The following SPIN1 variants were observed in gnomAD, a reference collection of about 807,000 sequenced individuals.
SPIN1 encodes spindlin-1.
In SPIN1, 3 loss-of-function variants were observed where a neutral mutation model predicts 26.0. The ratio of observed to expected loss-of-function variants is 0.12; its 90% CI spans 0.05 to 0.30. The LOEUF is 0.30. Ranked by LOEUF, SPIN1 falls within the 10% of genes least tolerant of loss-of-function variation. SPIN1 has a pLI of 1.00. For missense variants in SPIN1, 126 were observed against 333.4 expected (o/e 0.38, Z 4.84); for synonymous variants, 101 against 116.5 (o/e 0.87, Z 0.86).
intron 1 of SPIN1, among the ~76,000 whole-genome samples, chr9:88,393,820 C>T (rs185340902): frequency 1.3e-5 from 2 of 151,628 alleles, no homozygotes; most frequent in Admixed American, 1.3e-4. Context: ...CATTGTAGAC[C>T]CATGGATTTT....
chr9:88,463,841 C>A (rs778930658), intron 4 of SPIN1, among the ~76,000 whole-genome samples: 2 of 152,162 alleles, frequency 1.3e-5, no homozygotes, highest in Non-Finnish European at 2.9e-5. Flanking sequence ...TGATCACCTG[C>A]TCTTCCTCTT....
At chr9:88,403,555 A>T (rs188891058) in intron 1 of SPIN1, among the ~76,000 whole-genome samples, 43 of 152,164 alleles carry the variant, frequency 2.8e-4, no homozygotes, top group African/African-American at 8.7e-4. Context: ...CAGAAAATTT[A>T]AAAAAATTAG....
intron 2 of SPIN1, among the ~76,000 whole-genome samples, chr9:88,427,195 C>T (rs1827779658): frequency 6.6e-6 from 1 of 152,068 alleles, no homozygotes; most frequent in Non-Finnish European, 1.5e-5. Flanking sequence ...CCATTTCAGA[C>T]ATATATCTGA....
chr9:88,472,421 A>T (rs971395072), intron 5 of SPIN1, among the ~76,000 whole-genome samples: 4 of 150,008 alleles, frequency 2.7e-5, no homozygotes, highest in African/African-American at 4.9e-5. Flanking sequence ...TTTAGTAGAG[A>T]TGGCGTTTCA....
intron 3 of SPIN1, among the ~76,000 whole-genome samples, chr9:88,451,122 A>AC (rs397969955): frequency 2.0e-5 from 3 of 151,850 alleles, no homozygotes; most frequent in Admixed American, 1.3e-4. Context: ...TAAAAAAAAA[A>AC]CAGAACTATA....
intron 4 of SPIN1, among the ~76,000 whole-genome samples, chr9:88,466,694 G>A (rs1290435535): frequency 2.0e-5 from 3 of 152,184 alleles, no homozygotes; most frequent in African/African-American, 4.8e-5. Context: ...AGAAATAGAA[G>A]TTTGTTGAAT....
intron 1 of SPIN1, among the ~76,000 whole-genome samples, chr9:88,419,208 G>A (rs1472419402): frequency 6.6e-6 from 1 of 151,812 alleles, no homozygotes; most frequent in Non-Finnish European, 1.5e-5. Flanking sequence ...CTCCACCCTG[G>A]CTCATTCTGA....
chr9:88,464,018 T>C (rs1450276134), intron 4 of SPIN1, among the ~76,000 whole-genome samples: 1 of 152,224 alleles, frequency 6.6e-6, no homozygotes, highest in Non-Finnish European at 1.5e-5. Flanking sequence ...CCTGTGGTTG[T>C]TGGTCCTTTT....
intron 1 of SPIN1, among the ~76,000 whole-genome samples, chr9:88,401,611 G>A (rs1827187872): frequency 6.6e-6 from 1 of 152,132 alleles, no homozygotes; most frequent in African/African-American, 2.4e-5. Context: ...ATTGTTGAGG[G>A]AATAACTACA....
intron 2 of SPIN1, among the ~76,000 whole-genome samples, chr9:88,436,903 T>G (rs1203508034): frequency 6.6e-6 from 1 of 150,722 alleles, no homozygotes; most frequent in African/African-American, 2.4e-5. Flanking sequence ...TAGCTGGGAC[T>G]ACAGGCGCCC....
chr9:88,469,509 T>G (rs988235402), intron 5 of SPIN1, among the ~76,000 whole-genome samples: 1 of 151,946 alleles, frequency 6.6e-6, no homozygotes, highest in Non-Finnish European at 1.5e-5. Flanking sequence ...TAGAAAACCT[T>G]TATTGTGGTT....
intron 2 of SPIN1, among the ~76,000 whole-genome samples, chr9:88,428,755 G>A (rs1216183901): frequency 6.6e-6 from 1 of 152,042 alleles, no homozygotes; most frequent in Non-Finnish European, 1.5e-5. Flanking sequence ...GACAAAATAG[G>A]TTCTATGTAA....
chr9:88,460,815 G>C (rs1368829677), intron 3 of SPIN1, among the ~76,000 whole-genome samples: 1 of 152,184 alleles, frequency 6.6e-6, no homozygotes, highest in African/African-American at 2.4e-5. Flanking sequence ...CAGATGCACA[G>C]ACACACCCAC....
intron 1 of SPIN1, among the ~76,000 whole-genome samples, chr9:88,413,189 C>T (rs530146303): frequency 2.2e-4 from 34 of 151,166 alleles, no homozygotes; most frequent in African/African-American, 7.8e-4. Context: ...GCCTCAGCCT[C>T]CTGAGTAGCT....
At chr9:88,459,618 GT>G (rs1828537898) in intron 3 of SPIN1, among the ~76,000 whole-genome samples, 1 of 152,048 alleles carries the variant, frequency 6.6e-6, no homozygotes, top group Non-Finnish European at 1.5e-5. Flanking sequence ...TGAGAGTTGT[GT>G]TAAATTTGAA....
chr9:88,417,209 G>C (rs1345761800), intron 1 of SPIN1, among the ~76,000 whole-genome samples: 1 of 152,090 alleles, frequency 6.6e-6, no homozygotes, highest in African/African-American at 2.4e-5. Flanking sequence ...ATAAATGTCT[G>C]TGATAATTTA....
At chr9:88,401,154 C>A (rs1369053537) in intron 1 of SPIN1, among the ~76,000 whole-genome samples, 1 of 152,162 alleles carries the variant, frequency 6.6e-6, no homozygotes, top group African/African-American at 2.4e-5. Flanking sequence ...CTCTGTTGAT[C>A]CAGCAGTTTC....
intron 1 of SPIN1, among the ~76,000 whole-genome samples, chr9:88,407,048 A>T (rs1827325939): frequency 6.6e-6 from 1 of 151,788 alleles, no homozygotes; most frequent in Non-Finnish European, 1.5e-5. Context: ...TGCCCGAAGA[A>T]CACCCTTTAT....
chr9:88,438,923 C>G (rs1034702903), intron 2 of SPIN1, among the ~76,000 whole-genome samples: 2 of 152,072 alleles, frequency 1.3e-5, no homozygotes, highest in African/African-American at 4.8e-5. Flanking sequence ...TTTATATGAT[C>G]GAAGAGAGAC....
Sources: allele counts gnomAD v4.1 joint callset (sites outside exome capture counted in the v4.1 genomes callset), GRCh38; gene constraint gnomAD v4.1.1; transcripts MANE v1.5; gene names NCBI Gene and HGNC (gene_info 2026-07-23, HGNC 2026-07-21).